Variants in ZFPM2 observed in about 807,000 individuals in gnomAD.
ZFPM2 encodes the protein zinc finger protein ZFPM2.
Under a neutral mutation model 98.6 loss-of-function variants are expected in ZFPM2, and 20 were observed. That is an observed-to-expected ratio of 0.20 (90% CI 0.14 to 0.29). The LOEUF (loss-of-function observed/expected upper bound fraction) is 0.29. Among genes scored for constraint, ZFPM2 ranks in the 10% least tolerant of loss-of-function variants. The pLI is 1.00. For missense variants in ZFPM2, 1,310 were observed against 1,388.6 expected (o/e 0.94, Z 0.90); for synonymous variants, 518 against 502.7 (o/e 1.03, Z -0.41).
intron 5 of ZFPM2, among the ~76,000 whole-genome samples, chr8:105,660,675 G>T (rs1379282650): frequency 6.6e-6 from 1 of 151,908 alleles, no homozygotes; most frequent in Non-Finnish European, 1.5e-5. Flanking sequence ...TGCTAAATTT[G>T]CTAATTCTGA....
At chr8:105,487,646 G>T (rs2130415090) in intron 3 of ZFPM2, among the ~76,000 whole-genome samples, 1 of 152,078 alleles carries the variant, frequency 6.6e-6, no homozygotes, top group African/African-American at 2.4e-5. Flanking sequence ...TACAAAAGCA[G>T]ATGGAGGGCC....
At chr8:105,458,684 A>G (rs1812645740) in intron 3 of ZFPM2, among the ~76,000 whole-genome samples, 1 of 152,206 alleles carries the variant, frequency 6.6e-6, no homozygotes, top group Admixed American at 6.5e-5. Flanking sequence ...ATTATTTCAT[A>G]TGACATTACT....
At chr8:105,604,449 C>T (rs1816155021) in intron 4 of ZFPM2, among the ~76,000 whole-genome samples, 1 of 152,020 alleles carries the variant, frequency 6.6e-6, no homozygotes, top group African/African-American at 2.4e-5. Context: ...TAAATTACAG[C>T]ATGGTATTCC....
At chr8:105,473,221 A>G (rs1329446097) in intron 3 of ZFPM2, among the ~76,000 whole-genome samples, 3 of 152,018 alleles carry the variant, frequency 2.0e-5, no homozygotes, top group Non-Finnish European at 2.9e-5. Context: ...TGCCTGGTCT[A>G]TTGCATCTTT....
intron 4 of ZFPM2, among the ~76,000 whole-genome samples, chr8:105,593,844 A>G (rs1815905508): frequency 6.6e-6 from 1 of 152,102 alleles, no homozygotes; most frequent in African/African-American, 2.4e-5. Context: ...CCTGAAAGAA[A>G]GATGAGCGGC....
intron 4 of ZFPM2, among the ~76,000 whole-genome samples, chr8:105,597,956 T>C (rs941888167): frequency 2.0e-5 from 3 of 151,926 alleles, no homozygotes; most frequent in African/African-American, 7.3e-5. Flanking sequence ...TAAATTCTGC[T>C]GGGGATTGTT....
At chr8:105,686,760 A>G (rs1810746451) in intron 5 of ZFPM2, among the ~76,000 whole-genome samples, 1 of 152,222 alleles carries the variant, frequency 6.6e-6, no homozygotes. Context: ...TTAAAAAATC[A>G]TATAGGTGGT....
intron 3 of ZFPM2, among the ~76,000 whole-genome samples, chr8:105,527,888 A>T (rs554283208): frequency 6.6e-6 from 1 of 152,322 alleles, no homozygotes; most frequent in East Asian, 1.9e-4. Flanking sequence ...ACTGTAAAGG[A>T]TCTTAAAAAT....
At chr8:105,393,394 T>G (rs1383715946) in intron 1 of ZFPM2, among the ~76,000 whole-genome samples, 3 of 61,722 alleles carry the variant, frequency 4.9e-5, no homozygotes, top group Non-Finnish European at 9.1e-5. Context: ...TTCTTTCTTC[T>G]TCAGAATTTA....
chr8:105,552,964 C>T (rs2008913), intron 3 of ZFPM2, among the ~76,000 whole-genome samples: 5,228 of 151,574 alleles, frequency 0.034, 106 homozygotes, highest in African/African-American at 0.055. Context: ...CTCATGCCAC[C>T]ACACCTGGCT....
chr8:105,425,725 T>C (rs542194576), intron 2 of ZFPM2, among the ~76,000 whole-genome samples: 16 of 152,318 alleles, frequency 1.1e-4, no homozygotes, highest in African/African-American at 3.6e-4. Context: ...ATATTCCTCC[T>C]TGTTACCTGT....
chr8:105,406,255 T>G lies in ZFPM2; in HGVS notation c.41-12889T>G, dbSNP rs184968260. Among the ~76,000 whole-genome samples the G allele has an allele frequency of 2.0e-5, 3 of 152,266 alleles. No homozygotes were observed. The East Asian group carries it at 5.8e-4, about 29-fold the overall frequency. ...TGTTCACTCTGATGGTAGTTTCTTT[T>G]GCTGTGCAGAAGCTCTTTAGTTTAA... On this transcript the variant is annotated intron_variant, in intron 1 of 7. Coordinates refer to ENST00000407775, the MANE Select transcript of ZFPM2 (RefSeq NM_012082.4).
intron 4 of ZFPM2, among the ~76,000 whole-genome samples, chr8:105,621,217 G>A (rs1013966808): frequency 6.6e-6 from 1 of 152,118 alleles, no homozygotes; most frequent in African/African-American, 2.4e-5. Context: ...GCAGTGGTTT[G>A]TAGTTCTCCT....
intron 3 of ZFPM2, among the ~76,000 whole-genome samples, chr8:105,520,088 G>A: frequency 6.6e-6 from 1 of 151,700 alleles, no homozygotes; most frequent in East Asian, 1.9e-4. Context: ...TATACCAAAG[G>A]GAACAAAAAT....
At chr8:105,453,172 A>G (rs890564980) in intron 3 of ZFPM2, among the ~76,000 whole-genome samples, 3 of 152,220 alleles carry the variant, frequency 2.0e-5, no homozygotes, top group African/African-American at 7.2e-5. Context: ...GTTTTCAACT[A>G]CATATTTAGT....
At chr8:105,458,465 TAATC>T (rs1812641284) in intron 3 of ZFPM2, among the ~76,000 whole-genome samples, 1 of 152,184 alleles carries the variant, frequency 6.6e-6, no homozygotes, top group South Asian at 2.1e-4. Flanking sequence ...TTTTCCATAT[TAATC>T]AATGAAGATT....
intron 3 of ZFPM2, among the ~76,000 whole-genome samples, chr8:105,487,892 G>GTCTGTCTATCTATCTA (rs1455288392): frequency 1.9e-5 from 2 of 103,344 alleles, no homozygotes; most frequent in Admixed American, 9.6e-5. Context: ...AAGTCTGTCT[G>GTCTGTCTATCTATCTA]TCTATCTATC....
intron 4 of ZFPM2, among the ~76,000 whole-genome samples, chr8:105,617,747 A>C (rs1366036546): frequency 6.6e-6 from 1 of 152,148 alleles, no homozygotes; most frequent in Non-Finnish European, 1.5e-5. Flanking sequence ...GTGAATTTTA[A>C]CCGAAAGTCA....
intron 4 of ZFPM2, among the ~76,000 whole-genome samples, chr8:105,565,218 A>G (rs1815218658): frequency 6.6e-6 from 1 of 152,188 alleles, no homozygotes; most frequent in African/African-American, 2.4e-5. Context: ...TTTGCAGACC[A>G]GGCATTTAGA....
Sources: allele counts gnomAD v4.1 joint callset (sites outside exome capture counted in the v4.1 genomes callset), GRCh38; gene constraint gnomAD v4.1.1; transcripts MANE v1.5; gene names NCBI Gene and HGNC (gene_info 2026-07-23, HGNC 2026-07-21).